LOC128125817: variants seen among roughly 807,000 people sequenced by gnomAD.
the LOC128125817 span, among the ~76,000 whole-genome samples, chr1:41,588,051 C>T: frequency 9.2e-5 from 14 of 152,186 alleles, no homozygotes; most frequent in Non-Finnish European, 1.5e-4. Context: ...TCGGGGAACT[C>T]GTCCTGGCAG....
At chr1:41,597,355 CA>C in the LOC128125817 span, among the ~76,000 whole-genome samples, 11 of 152,174 alleles carry the variant, frequency 7.2e-5, no homozygotes, top group Admixed American at 1.3e-4. Context: ...GCCAGACTTG[CA>C]GAGGCCCAGA....
At chr1:41,628,649 A>G in the LOC128125817 span, 2,958 of 926,606 alleles carry the variant, frequency 3.2e-3, 3 homozygotes, top group Middle Eastern at 7.6e-3. Context: ...ACTAATAATA[A>G]CAATAATACA....
At chr1:41,585,397 C>A in the LOC128125817 span, 1 of 398,658 alleles carries the variant, frequency 2.5e-6, no homozygotes, top group South Asian at 1.3e-4. Flanking sequence ...CATGCACAGC[C>A]TGGGCAGCCC....
chr1:41,596,021 G>A, the LOC128125817 span, among the ~76,000 whole-genome samples: 2 of 152,116 alleles, frequency 1.3e-5, no homozygotes, highest in South Asian at 4.1e-4. Flanking sequence ...TTCAATGTAC[G>A]CAAAGCACAG....
the LOC128125817 span, among the ~76,000 whole-genome samples, chr1:41,596,004 TACAAGGTTCA>T: frequency 8.8e-4 from 134 of 152,134 alleles, 2 homozygotes; most frequent in Non-Finnish European, 1.9e-4. Flanking sequence ...CCCTGACTAA[TACAAGGTTCA>T]ATGTACGCAA....
chr1:41,598,515 T>C, the LOC128125817 span, among the ~76,000 whole-genome samples: 2 of 152,240 alleles, frequency 1.3e-5, no homozygotes, highest in Non-Finnish European at 2.9e-5. Context: ...TGCCTGTGGC[T>C]TCTGTCATTC....
At chr1:41,593,637 G>A in the LOC128125817 span, among the ~76,000 whole-genome samples, 2 of 152,256 alleles carry the variant, frequency 1.3e-5, no homozygotes, top group Non-Finnish European at 2.9e-5. Flanking sequence ...TGGCGGGTGA[G>A]CACTATTTCC....
chr1:41,622,794 T>A, the LOC128125817 span, among the ~76,000 whole-genome samples: 1 of 152,162 alleles, frequency 6.6e-6, no homozygotes, highest in Admixed American at 6.5e-5. Flanking sequence ...AAAGGGAAGG[T>A]GGCTGGGAGG....
At chr1:41,593,213 T>C in the LOC128125817 span, among the ~76,000 whole-genome samples, 1 of 152,208 alleles carries the variant, frequency 6.6e-6, no homozygotes, top group Non-Finnish European at 1.5e-5. Context: ...CTCTTTCCCC[T>C]GAATCTCCCT....
chr1:41,611,291 C>T, the LOC128125817 span, among the ~76,000 whole-genome samples: 4 of 152,146 alleles, frequency 2.6e-5, no homozygotes, highest in Admixed American at 6.5e-5. Context: ...AAGCTATACA[C>T]GGGCAAAGGG....
the LOC128125817 span, among the ~76,000 whole-genome samples, chr1:41,585,529 C>T: frequency 1.3e-5 from 2 of 152,108 alleles, no homozygotes; most frequent in Non-Finnish European, 2.9e-5. Flanking sequence ...GCTCCCATGT[C>T]AGTGTTGGGT....
At chr1:41,614,604 T>C in the LOC128125817 span, among the ~76,000 whole-genome samples, 82 of 152,346 alleles carry the variant, frequency 5.4e-4, no homozygotes, top group African/African-American at 2.0e-3. Context: ...TTTAACTTGA[T>C]TTATTCCACA....
At chr1:41,620,968 A>G in the LOC128125817 span, among the ~76,000 whole-genome samples, 1 of 152,158 alleles carries the variant, frequency 6.6e-6, no homozygotes, top group Admixed American at 6.5e-5. Flanking sequence ...TTGGGAGAGG[A>G]AGCCTGTTCC....
At chr1:41,588,698 C>A in the LOC128125817 span, among the ~76,000 whole-genome samples, 2 of 152,260 alleles carry the variant, frequency 1.3e-5, no homozygotes, top group African/African-American at 2.4e-5. Flanking sequence ...GCAAAAAGGC[C>A]ACAGGAGCAC....
chr1:41,593,391 C>A, the LOC128125817 span, among the ~76,000 whole-genome samples: 1 of 152,132 alleles, frequency 6.6e-6, no homozygotes, highest in South Asian at 2.1e-4. Flanking sequence ...GCACTGTATT[C>A]CATTTTTGGC....
chr1:41,628,351 T>A, the LOC128125817 span, among the ~76,000 whole-genome samples: 1 of 152,166 alleles, frequency 6.6e-6, no homozygotes, highest in African/African-American at 2.4e-5. Context: ...AGAACCATTA[T>A]GTAGGAGAAG....
chr1:41,598,170 T>C, the LOC128125817 span, among the ~76,000 whole-genome samples: 3 of 152,230 alleles, frequency 2.0e-5, no homozygotes, highest in Non-Finnish European at 4.4e-5. Flanking sequence ...GCTTGTCTTC[T>C]GGCCATTTGT....
chr1:41,625,256 T>C, the LOC128125817 span, among the ~76,000 whole-genome samples: 1 of 151,670 alleles, frequency 6.6e-6, no homozygotes, highest in Non-Finnish European at 1.5e-5. Context: ...TATTAGATAT[T>C]GCAGCTGATA....
chr1:41,601,588 ATGATTT>A, the LOC128125817 span, among the ~76,000 whole-genome samples: 1 of 152,094 alleles, frequency 6.6e-6, no homozygotes, highest in African/African-American at 2.4e-5. Context: ...ATTTTTGTAA[ATGATTT>A]TGTATCCTGC....
Sources: gnomAD v4.1 joint callset for allele counts (sites outside exome capture counted in the v4.1 genomes callset) on GRCh38, gnomAD v4.1.1 for gene constraint, MANE v1.5 for transcripts.